NFASC: variants seen among roughly 807,000 people sequenced by gnomAD.
The protein encoded by NFASC is neurofascin.
In NFASC, 43 loss-of-function variants were observed where a neutral mutation model predicts 147.5. The ratio of observed to expected loss-of-function variants is 0.29; its 90% CI spans 0.23 to 0.38. The LOEUF (loss-of-function observed/expected upper bound fraction) is 0.38. Among genes scored for constraint, NFASC ranks in the 10% least tolerant of loss-of-function variants. The pLI is 1.00. For synonymous variants in NFASC, 622 were observed against 665.5 expected (o/e 0.93, Z 1.01); for missense variants, 1,320 against 1,689.0 (o/e 0.78, Z 3.83).
chr1:204,883,906 G>A (rs1038342088), intron 1 of NFASC, among the ~76,000 whole-genome samples: 1 of 152,156 alleles, frequency 6.6e-6, no homozygotes, highest in Non-Finnish European at 1.5e-5. Context: ...ACCTGAACCC[G>A]GATGTCCTGA....
At chr1:204,962,781 C>G (rs2094746400) in intron 8 of NFASC, among the ~76,000 whole-genome samples, 1 of 152,164 alleles carries the variant, frequency 6.6e-6, no homozygotes, top group African/African-American at 2.4e-5. Context: ...CTAGGCCTCT[C>G]TCCTCCTTTG....
intron 2 of NFASC, among the ~76,000 whole-genome samples, chr1:204,923,671 A>AG (rs2090964693): frequency 6.6e-6 from 1 of 152,078 alleles, no homozygotes; most frequent in Non-Finnish European, 1.5e-5. Flanking sequence ...GAGCTTCATT[A>AG]GGAACTGTCT....
In NFASC at chr1:204,987,824, TG is replaced by T. The variant is rs544903001; in HGVS notation, c.2593+285del. ...GACAGCCATGCCTTTAGGGATCTTT[TG>T]TAGTCTCCAACACGTACAGAGTCTA... is the stretch of plus-strand genomic sequence containing the variant. On this transcript the variant is annotated intron_variant, in intron 22 of 29. Coordinates refer to ENST00000339876, the MANE Select transcript of NFASC (RefSeq NM_001005388.3). This position sits in a 1 kb window ranked among gnomAD's most constrained non-coding sequence, Gnocchi z 4.4. 6.6e-5 allele frequency among the ~76,000 whole-genome samples: 10 copies of T among 152,324 alleles called. No homozygotes were observed. In the East Asian group the frequency reaches 1.9e-3, roughly 29 times the overall value.
At chr1:204,931,964 A>G (rs2092399547) in intron 2 of NFASC, among the ~76,000 whole-genome samples, 1 of 152,072 alleles carries the variant, frequency 6.6e-6, no homozygotes, top group African/African-American at 2.4e-5. Flanking sequence ...GACCAGGGCC[A>G]CCTGTGGAAT....
chr1:204,941,692 A>G (rs2093373458), intron 2 of NFASC, among the ~76,000 whole-genome samples: 1 of 152,212 alleles, frequency 6.6e-6, no homozygotes, highest in South Asian at 2.1e-4. Context: ...GCGACAGTAT[A>G]AGGACCATCT....
chr1:204,859,184 G>A (rs2076450167), intron 1 of NFASC, among the ~76,000 whole-genome samples: 1 of 152,068 alleles, frequency 6.6e-6, no homozygotes, highest in African/African-American at 2.4e-5. Flanking sequence ...CGCCATGTTG[G>A]CCAGGCTGGT....
intron 1 of NFASC, among the ~76,000 whole-genome samples, chr1:204,839,114 T>C (rs1015757826): frequency 2.6e-5 from 4 of 152,218 alleles, no homozygotes; most frequent in African/African-American, 4.8e-5. Flanking sequence ...TTTCTTATTG[T>C]CTTCTTGTTT....
At chr1:204,871,107 C>G (rs1340668251) in intron 1 of NFASC, 2 of 1,289,224 alleles carry the variant, frequency 1.6e-6, no homozygotes, top group African/African-American at 3.0e-5. Flanking sequence ...CTTGGCCTCT[C>G]ATCCTCACCC....
At chr1:204,980,524 C>T (rs2095491813) in intron 20 of NFASC, 84 bp downstream of exon 20, 20 of 1,012,826 alleles carry the variant, frequency 2.0e-5, no homozygotes, top group South Asian at 6.9e-5. Flanking sequence ...CCCGACACTA[C>T]GAGGCCATGA....
At chr1:204,993,444 G>A (rs2095784016) in intron 24 of NFASC, among the ~76,000 whole-genome samples, 1 of 152,238 alleles carries the variant, frequency 6.6e-6, no homozygotes, top group Non-Finnish European at 1.5e-5. Context: ...TTCTGGGACA[G>A]AAAGATGAAT....
At chr1:204,970,524 G>A (rs2095201779) in intron 10 of NFASC, 92 bp from the exon 11 acceptor site, 10 of 1,471,384 alleles carry the variant, frequency 6.8e-6, no homozygotes, top group Non-Finnish European at 6.6e-6. Context: ...TGGGACTCAG[G>A]GGCTCCTGCC....
In NFASC at chr1:204,954,474, T is replaced by A; in HGVS notation, c.412+90T>A. 12 of 1,264,744 alleles carry A rather than the reference T, an allele frequency of 9.5e-6. No individual in the cohort carries two copies. Among genetic ancestry groups the A allele is most frequent in the African/African-American group, 1.5e-5 (1 of 67,368 alleles). 78.3% of individuals were successfully genotyped at this position (1,264,744 alleles called of 1,614,324 possible). On this transcript the variant is annotated intron_variant, in intron 6 of 29. Transcript: ENST00000339876. This position sits in a 1 kb window ranked among gnomAD's most constrained non-coding sequence, Gnocchi z 5.7. ...AAGGCCATTCCAGAAGGGCTGCCCC[T>A]GCCCTTGGCCTGCAGTTGCCTTGGT...
At chr1:204,868,358 T>TG (rs2077288472) in intron 1 of NFASC, among the ~76,000 whole-genome samples, 1 of 152,096 alleles carries the variant, frequency 6.6e-6, no homozygotes, top group South Asian at 2.1e-4. Flanking sequence ...GAGTAAGCCT[T>TG]GGGGAATCGG....
chr1:204,869,808 C>T (rs2077439515), intron 1 of NFASC, among the ~76,000 whole-genome samples: 1 of 152,080 alleles, frequency 6.6e-6, no homozygotes, highest in Non-Finnish European at 1.5e-5. Flanking sequence ...CATGGGCGTG[C>T]CATAGTTTGT....
At chr1:204,978,238 A>C (rs2095445052) in intron 17 of NFASC, among the ~76,000 whole-genome samples, 1 of 152,164 alleles carries the variant, frequency 6.6e-6, no homozygotes, top group African/African-American at 2.4e-5. Flanking sequence ...CAAGATGGAG[A>C]GAAAATCTTG....
At chr1:204,845,044 T>A (rs1200594943) in intron 1 of NFASC, among the ~76,000 whole-genome samples, 1 of 152,188 alleles carries the variant, frequency 6.6e-6, no homozygotes, top group African/African-American at 2.4e-5. Flanking sequence ...GGGTGAAGTT[T>A]GGTAGTTACC....
intron 1 of NFASC, among the ~76,000 whole-genome samples, chr1:204,880,028 G>T (rs12410154): frequency 0.11 from 17,153 of 152,162 alleles, 1,760 homozygotes; most frequent in East Asian, 0.48. Context: ...GGCCTACCTT[G>T]TGAGTGTGAA....
At position 204,979,665 on chromosome 1, in the gene NFASC, C is replaced by A. The variant is rs749682583; in HGVS notation, c.2176+106C>A. On this transcript the variant is annotated intron_variant, in intron 19 of 29. Coordinates refer to ENST00000339876, the MANE Select transcript of NFASC (RefSeq NM_001005388.3). This position sits in a 1 kb window ranked among gnomAD's most constrained non-coding sequence, Gnocchi z 6.0. ...TGTGAACTTAGGTTACTTAACTTCT[C>A]CAAGGCCCGGCCTCATCTGTGAGGC... 3.9e-5 allele frequency: 40 copies of A among 1,021,848 alleles called. No homozygotes were observed. The highest frequency in any genetic ancestry group is 6.0e-5 in the Non-Finnish European group (39 of 649,798). 63.3% of individuals were successfully genotyped at this position (1,021,848 alleles called of 1,614,324 possible).
intron 1 of NFASC, among the ~76,000 whole-genome samples, chr1:204,849,684 G>A (rs975718872): frequency 6.6e-6 from 1 of 152,168 alleles, no homozygotes; most frequent in African/African-American, 2.4e-5. Flanking sequence ...CTGCAGCCCA[G>A]TGCTTTAACC....
Sources: gnomAD v4.1 joint callset for allele counts (sites outside exome capture counted in the v4.1 genomes callset) on GRCh38, gnomAD v4.1.1 for gene constraint, Gnocchi (gnomAD v3.1) non-coding constraint, MANE v1.5 for transcripts, NCBI Gene and HGNC (gene_info 2026-07-23, HGNC 2026-07-21) for gene names.